CAND1: variants seen among roughly 807,000 people sequenced by gnomAD.
CAND1 encodes cullin-associated NEDD8-dissociated protein 1.
In CAND1, 7 loss-of-function variants were observed where a neutral mutation model predicts 108.5. The observed-to-expected ratio is 0.06, with a 90% CI of 0.04 to 0.12. The LOEUF is 0.12. Among genes scored for constraint, CAND1 ranks in the 10% least tolerant of loss-of-function variants. The probability of loss-of-function intolerance (pLI) is 1.00; values close to 1 mark genes in which losing one functional copy is unlikely to be tolerated. For synonymous variants in CAND1, 534 were observed against 512.0 expected (o/e 1.04, Z -0.58); for missense variants, 941 against 1,448.7 (o/e 0.65, Z 5.69).
At chr12:67,269,962 C>T (rs1367863960) in intron 1 of CAND1, 177 bp downstream of exon 1, 1 of 556,312 alleles carries the variant, frequency 1.8e-6, no homozygotes, top group Non-Finnish European at 3.2e-6. Flanking sequence ...CCTCTCCCCT[C>T]TTGCAACCCC....
intron 2 of CAND1, among the ~76,000 whole-genome samples, chr12:67,290,144 T>G (rs938423727): frequency 3.3e-5 from 5 of 152,226 alleles, no homozygotes; most frequent in African/African-American, 1.2e-4. Flanking sequence ...GCATTCTACT[T>G]GTTTTAGTCT....
rs1203641414 is a variant in CAND1 at position 67,292,842 on chromosome 12, T to A, written c.367+66T>A. 6 of 1,528,610 alleles carry A rather than the reference T, an allele frequency of 3.9e-6. No homozygotes were observed. The East Asian group carries it at 1.4e-4, about 35-fold the overall frequency. The allele number at this position is 1,528,610 out of a possible 1,614,324, so 94.7% of individuals were successfully genotyped here. ...GGAGGTATTTCTCCCCACCCTTTTTTCCCCTTCTGGCCAAGGAGGGAGGGA... is the reference window on the plus strand; with the variant it reads ...GGAGGTATTTCTCCCCACCCTTTTTACCCCTTCTGGCCAAGGAGGGAGGGA... On this transcript the variant is annotated intron_variant, in intron 3 of 14. Coordinates refer to ENST00000545606, the MANE Select transcript of CAND1 (RefSeq NM_018448.5).
At chr12:67,311,897 G>A in intron 14 of CAND1, 97 bp downstream of exon 14, 1 of 725,932 alleles carries the variant, frequency 1.4e-6, no homozygotes, top group Non-Finnish European at 2.5e-6. Context: ...CTATTCCAGT[G>A]CTCTGTGTAG....
intron 2 of CAND1, among the ~76,000 whole-genome samples, chr12:67,284,686 A>G (rs1172086192): frequency 6.7e-6 from 1 of 149,132 alleles, no homozygotes; most frequent in Non-Finnish European, 1.5e-5. Flanking sequence ...ATAGGTCCTT[A>G]AAAGAGTACA....
At chr12:67,304,356 C>T (rs1047982754) in intron 8 of CAND1, among the ~76,000 whole-genome samples, 16 of 152,088 alleles carry the variant, frequency 1.1e-4, no homozygotes, top group African/African-American at 3.9e-4. Flanking sequence ...TTTTGTTGCT[C>T]TCTGGAAAGC....
rs368409865 is a variant in CAND1, at chr12:67,269,682, C to T, written c.-36C>T. ...GCGGCAGCGGCAGCGGGCAGCAGCT[C>T]CAGCAGCGCCAGCAGGCGGGATCGA... is the stretch of plus-strand genomic sequence containing the variant. On this transcript the variant is annotated 5_prime_UTR_variant, in exon 1 of 15. Coordinates refer to ENST00000545606, the MANE Select transcript of CAND1 (RefSeq NM_018448.5). 25 of 1,576,784 alleles carry T rather than the reference C, an allele frequency of 1.6e-5. No individual in the cohort carries two copies. Among genetic ancestry groups the T allele is most frequent in the Non-Finnish European group, 2.2e-5 (25 of 1,158,538 alleles).
intron 1 of CAND1, among the ~76,000 whole-genome samples, chr12:67,278,198 G>A (rs767051200): frequency 2.6e-5 from 4 of 152,060 alleles, no homozygotes; most frequent in South Asian, 2.1e-4. Context: ...GTGCAGTGAC[G>A]TGATCTTGAC....
Position 67,313,387 on chromosome 12 carries a change from G to A in CAND1, c.*557G>A, listed in dbSNP as rs2044973931. On this transcript the variant is annotated 3_prime_UTR_variant, in exon 15 of 15. Coordinates refer to ENST00000545606, the MANE Select transcript of CAND1 (RefSeq NM_018448.5). Reference sequence around the variant, plus strand: ...ATAATAAGGTATCATTTTTAAGTATGAAAATTAACAATATCCCTGTTGCGC... The same window carrying A: ...ATAATAAGGTATCATTTTTAAGTATAAAAATTAACAATATCCCTGTTGCGC... 1 of 152,578 alleles carries A rather than the reference G, an allele frequency of 6.6e-6. No individual in the cohort carries two copies. The allele number at this position is 152,578 out of a possible 1,614,324, so 9.5% of individuals were successfully genotyped here.
chr12:67,293,093 G>A (rs2044736764), intron 3 of CAND1: 2 of 268,318 alleles, frequency 7.5e-6, no homozygotes, highest in South Asian at 4.2e-5. Context: ...TGAGGGAAGA[G>A]ATAACCAAAA....
At chr12:67,280,140 G>T (rs187079712) in intron 1 of CAND1, among the ~76,000 whole-genome samples, 13 of 152,270 alleles carry the variant, frequency 8.5e-5, no homozygotes, top group South Asian at 2.1e-4. Context: ...AACTGATCTT[G>T]TATTGCCCTA....
intron 14 of CAND1, among the ~76,000 whole-genome samples, chr12:67,312,363 T>A (rs1462904784): frequency 6.6e-6 from 1 of 152,102 alleles, no homozygotes; most frequent in Non-Finnish European, 1.5e-5. Flanking sequence ...CCTACTCTCT[T>A]TGTTACAATC....
rs575959059 is a variant in CAND1, at chr12:67,290,849, G to A, written c.213-1773G>A. ...CAGGAGGAGAGCAGAGGGCGAGCCAGCATTACTGCCTGAGCTTTGCCTCCT... is the reference window on the plus strand; with the variant it reads ...CAGGAGGAGAGCAGAGGGCGAGCCAACATTACTGCCTGAGCTTTGCCTCCT... On this transcript the variant is annotated intron_variant, in intron 2 of 14. Coordinates refer to ENST00000545606, the MANE Select transcript of CAND1 (RefSeq NM_018448.5). Among the ~76,000 whole-genome samples the A allele has an allele frequency of 2.2e-3, 342 of 152,316 alleles. 2 individuals are homozygous for A. The highest frequency in any genetic ancestry group is 4.0e-3 in the Non-Finnish European group (274 of 68,018).
chr12:67,293,749 G>A (rs1004337234), intron 3 of CAND1, among the ~76,000 whole-genome samples: 18 of 151,758 alleles, frequency 1.2e-4, no homozygotes, highest in African/African-American at 3.4e-4. Flanking sequence ...GTGAAACTCC[G>A]TGTCAAAAAA....
At chr12:67,270,121 T>A (rs1365374032) in intron 1 of CAND1, 5 of 264,012 alleles carry the variant, frequency 1.9e-5, no homozygotes, top group Non-Finnish European at 3.6e-5. Context: ...CCCACCATTG[T>A]GGAGAAGGGA....
At chr12:67,274,278 A>G (rs115257375) in intron 1 of CAND1, among the ~76,000 whole-genome samples, 1 of 152,260 alleles carries the variant, frequency 6.6e-6, no homozygotes, top group African/African-American at 2.4e-5. Context: ...TTGTAAAAAG[A>G]TGAATAACCC....
At chr12:67,294,939 T>A in intron 3 of CAND1, 94 bp from the exon 4 acceptor site, 1 of 1,301,260 alleles carries the variant, frequency 7.7e-7, no homozygotes, top group Non-Finnish European at 1.1e-6. Context: ...CATGATCAAG[T>A]GTGGAGTTGT....
At chr12:67,311,173 C>T (rs1025938848) in intron 13 of CAND1, 2 of 151,822 alleles carry the variant, frequency 1.3e-5, no homozygotes, top group African/African-American at 4.8e-5. Flanking sequence ...GGCCTCCCCA[C>T]CAAGAAGTAA....
intron 2 of CAND1, among the ~76,000 whole-genome samples, chr12:67,284,400 CT>C (rs2044648941): frequency 6.6e-6 from 1 of 151,986 alleles, no homozygotes; most frequent in Non-Finnish European, 1.5e-5. Flanking sequence ...GTATTATATG[CT>C]TTATTAATAC....
chr12:67,284,351 A>G lies in CAND1; in HGVS notation c.212+2298A>G, dbSNP rs562662962. On this transcript the variant is annotated intron_variant, in intron 2 of 14. Transcript: ENST00000545606. Reference sequence around the variant, plus strand: ...AAATAAAATATAGCAGTGTATTATTAGTAACATACTGTGACTAAGATTTTA... The same window carrying G: ...AAATAAAATATAGCAGTGTATTATTGGTAACATACTGTGACTAAGATTTTA... Among the ~76,000 whole-genome samples, 8 of 151,274 alleles carry G rather than the reference A, an allele frequency of 5.3e-5. No individual in the cohort carries two copies. In the South Asian group the frequency reaches 1.5e-3, roughly 27 times the overall value.
Sources: gnomAD v4.1 joint callset for allele counts (sites outside exome capture counted in the v4.1 genomes callset) on GRCh38, gnomAD v4.1.1 for gene constraint, MANE v1.5 for transcripts, NCBI Gene and HGNC (gene_info 2026-07-23, HGNC 2026-07-21) for gene names.